Variants in CEACAM5 observed in about 807,000 individuals in gnomAD.
The protein encoded by CEACAM5 is CEA cell adhesion molecule 5, also known as cell adhesion molecule CEACAM5.
In CEACAM5, 52 loss-of-function variants were observed where a neutral mutation model predicts 63.0. The observed-to-expected ratio is 0.83, with a 90% confidence interval of 0.66 to 1.04. The LOEUF is 1.04. Among genes scored for constraint, CEACAM5 ranks in the 50% least tolerant of loss-of-function variants. CEACAM5 has a pLI of 0.00. For synonymous variants in CEACAM5, 357 were observed against 351.3 expected, an observed-to-expected ratio of 1.02 and a Z score of -0.18; for missense variants, 790 against 864.8, an observed-to-expected ratio of 0.91 and a Z score of 1.08.
rs1233774622 is a variant in CEACAM5, at chr19:41,715,751, T to C, written c.805T>C (p.Tyr269His). 2 of 1,614,208 alleles carry C rather than the reference T, an allele frequency of 1.2e-6. No individual in the cohort carries two copies. The highest frequency in any genetic ancestry group is 2.2e-5 in the East Asian group (1 of 44,880). The change falls in exon 4 of 10, where the codon TAC becomes CAC. Residue 269 changes from tyrosine to histidine, a missense_variant. Coordinates refer to ENST00000221992, the MANE Select transcript of CEACAM5 (RefSeq NM_004363.6). Reference sequence around the variant, plus strand: ...CGCAGCCTCTAACCCACCTGCACAGTACTCTTGGTTTGTCAATGGGACTTT... The same window carrying C: ...CGCAGCCTCTAACCCACCTGCACAGCACTCTTGGTTTGTCAATGGGACTTT... ...CHAASNPPAQ[Y>H]SWFVNGTFQQ...
rs1284582625 is a variant in CEACAM5 at position 41,730,210 on chromosome 19, G to A, written c.*1063G>A. On this transcript the variant is annotated 3_prime_UTR_variant, in exon 10 of 10. Transcript: ENST00000221992. ...CCGAGGCGGGCGGATCACGAGGTCAGGAGATCCAGACCATCCTGGCTAACA... is the reference window on the plus strand; with the variant it reads ...CCGAGGCGGGCGGATCACGAGGTCAAGAGATCCAGACCATCCTGGCTAACA... Among the ~76,000 whole-genome samples, 2 of 152,102 alleles carry A rather than the reference G, an allele frequency of 1.3e-5. No individual in the cohort carries two copies. The highest frequency in any genetic ancestry group is 1.9e-4 in the East Asian group (1 of 5,190).
chr19:41,711,396 G>C lies in CEACAM5; in HGVS notation c.424+1357G>C, dbSNP rs140989114. ...AACAGAGGCCCAAAGTGAGACACACGCTTGCTCAGTAGCTCTCTCATGAAG... is the reference window on the plus strand; with the variant it reads ...AACAGAGGCCCAAAGTGAGACACACCCTTGCTCAGTAGCTCTCTCATGAAG... On this transcript the variant is annotated intron_variant, in intron 2 of 9. Coordinates refer to ENST00000221992, the MANE Select transcript of CEACAM5 (RefSeq NM_004363.6). Among the ~76,000 whole-genome samples the C allele has an allele frequency of 7.2e-5, 11 of 152,276 alleles. No individual in the cohort carries two copies. The East Asian group carries it at 2.1e-3, about 29-fold the overall frequency.
At chr19:41,724,996 T>C (rs1451435853) in intron 8 of CEACAM5, among the ~76,000 whole-genome samples, 4 of 152,236 alleles carry the variant, frequency 2.6e-5, no homozygotes, top group African/African-American at 4.8e-5. Context: ...CTGTGTCGAA[T>C]AGACGTGGCA....
At chr19:41,713,254 G>T (rs1244439635) in intron 2 of CEACAM5, among the ~76,000 whole-genome samples, 1 of 152,020 alleles carries the variant, frequency 6.6e-6, no homozygotes, top group Non-Finnish European at 1.5e-5. Flanking sequence ...GCAGTGAGCT[G>T]AGATCGTGCC....
At chr19:41,727,186 A>T in intron 8 of CEACAM5, 48 bp from the exon 9 acceptor site, 5 of 1,414,260 alleles carry the variant, frequency 3.5e-6, no homozygotes, top group Non-Finnish European at 5.0e-6. Context: ...ACTGTAAAAT[A>T]ACATCACATT....
chr19:41,710,080 T>C, intron 2 of CEACAM5, 41 bp downstream of exon 2: 1 of 1,576,244 alleles, frequency 6.3e-7, no homozygotes, highest in Non-Finnish European at 8.6e-7. Flanking sequence ...TGGGGGTCAG[T>C]TCTACTTCCC....
chr19:41,718,297 G>T lies in CEACAM5; in HGVS notation c.1407G>T (p.Glu469Asp). 1 of 1,614,158 alleles carries T rather than the reference G, an allele frequency of 6.2e-7. No homozygotes were observed. Reference protein sequence around the residue: ...TQELFISNITEKNSGLYTCQA... With the variant: ...TQELFISNITDKNSGLYTCQA... ...AGCTCTTTATCTCCAACATCACTGA[G>T]AAGAACAGCGGACTCTATACCTGCC... The change falls in exon 6 of 10, where the codon GAG (glutamate) becomes GAT (aspartate). Residue 469 changes from glutamate (E) to aspartate (D), a missense_variant. Glu to Asp is a conservative substitution (Grantham distance 45, BLOSUM62 2). Transcript: ENST00000221992.
intron 5 of CEACAM5, 129 bp from the exon 6 acceptor site, chr19:41,717,999 C>A: frequency 8.8e-7 from 1 of 1,136,430 alleles, no homozygotes; most frequent in Non-Finnish European, 1.3e-6. Flanking sequence ...TAATTGGATA[C>A]AGTAGGGGTT....
chr19:41,718,923 G>A (rs2072572938), intron 6 of CEACAM5, among the ~76,000 whole-genome samples: 1 of 152,274 alleles, frequency 6.6e-6, no homozygotes, highest in South Asian at 2.1e-4. Context: ...ATCCGGGCAT[G>A]TGGAGAAGGT....
At chr19:41,722,626 A>T (rs1353542509) in intron 8 of CEACAM5, among the ~76,000 whole-genome samples, 1 of 152,222 alleles carries the variant, frequency 6.6e-6, no homozygotes, top group Non-Finnish European at 1.5e-5. Context: ...TTCACTTAGC[A>T]TAATGTCTTC....
intron 2 of CEACAM5, among the ~76,000 whole-genome samples, chr19:41,714,329 G>GT (rs1555814513): frequency 3.3e-5 from 5 of 152,154 alleles, no homozygotes; most frequent in Admixed American, 3.3e-4. Flanking sequence ...TATCTTTAGG[G>GT]GTCTCTGGCT....
chr19:41,719,703 C>T (rs1376683083), intron 6 of CEACAM5, among the ~76,000 whole-genome samples: 6 of 152,146 alleles, frequency 3.9e-5, no homozygotes, highest in African/African-American at 1.4e-4. Context: ...ACGCTGCTGC[C>T]CAATTCACAC....
chr19:41,721,132 C>T lies in CEACAM5; in HGVS notation c.1982C>T (p.Ala661Val). 6.2e-7 allele frequency: 1 copy of T among 1,614,222 alleles called. No individual in the cohort carries two copies. The highest frequency in any genetic ancestry group is 8.5e-7 in the Non-Finnish European group (1 of 1,180,042). The change falls in exon 8 of 10, where the codon GCT (alanine) becomes GTT (valine). Residue 661 changes from alanine to valine, a missense_variant. Physicochemically the swap from Ala to Val is moderately conservative, Grantham distance 64. Coordinates refer to ENST00000221992, the MANE Select transcript of CEACAM5 (RefSeq NM_004363.6). ...TATGCCTGTTTTGTCTCTAACTTGGCTACTGGCCGCAATAATTCCATAGTC... is the reference window on the plus strand; with the variant it reads ...TATGCCTGTTTTGTCTCTAACTTGGTTACTGGCCGCAATAATTCCATAGTC... The part of the protein sequence containing the change: ...GTYACFVSNL[A>V]TGRNNSIVKS...
At chr19:41,720,517 T>A (rs1265818130) in intron 7 of CEACAM5, among the ~76,000 whole-genome samples, 2 of 149,230 alleles carry the variant, frequency 1.3e-5, no homozygotes, top group Non-Finnish European at 3.0e-5. Flanking sequence ...TTTTTTTTTT[T>A]TTTTTTTGAG....
chr19:41,715,286 G>A, intron 3 of CEACAM5, 37 bp downstream of exon 3: 1 of 1,614,078 alleles, frequency 6.2e-7, no homozygotes, highest in East Asian at 2.2e-5. Context: ...CAGGCTGCCA[G>A]CCCAAATCCA....
intron 8 of CEACAM5, among the ~76,000 whole-genome samples, chr19:41,722,117 G>T (rs1206089422): frequency 6.6e-6 from 1 of 152,066 alleles, no homozygotes; most frequent in Non-Finnish European, 1.5e-5. Flanking sequence ...CAAGTATATT[G>T]CCCGGTGTGG....
chr19:41,708,694 C>T lies in CEACAM5; in HGVS notation c.-38C>T, dbSNP rs45537140. 427 of 1,591,294 alleles carry T rather than the reference C, an allele frequency of 2.7e-4. 4 individuals are homozygous for T. In the African/African-American group the frequency reaches 5.1e-3, roughly 19 times the overall value. ...ACAAAACGTTCCTGGAACTCAAGCT[C>T]TTCTCCACAGAGGAGGACAGAGCAG... is the stretch of plus-strand genomic sequence containing the variant. On this transcript the variant is annotated 5_prime_UTR_variant, in exon 1 of 10. Coordinates refer to ENST00000221992, the MANE Select transcript of CEACAM5 (RefSeq NM_004363.6).
At position 41,718,249 on chromosome 19, in the gene CEACAM5, G is replaced by A. The variant is rs782690230; in HGVS notation, c.1359G>A (p.Gly453=). 14 of 1,614,002 alleles carry A rather than the reference G, an allele frequency of 8.7e-6. No individual in the cohort carries two copies. The South Asian group carries it at 1.3e-4, about 15-fold the overall frequency. Residue 453 remains glycine (G), a synonymous_variant, in exon 6 of 10, where the codon GGG becomes GGA. Coordinates refer to ENST00000221992, the MANE Select transcript of CEACAM5 (RefSeq NM_004363.6). ...PPAQYSWLID[G]NIQQHTQELF... ...CACAGTATTCTTGGCTGATTGATGGGAACATCCAGCAACACACACAAGAGC... is the reference window on the plus strand; with the variant it reads ...CACAGTATTCTTGGCTGATTGATGGAAACATCCAGCAACACACACAAGAGC...
chr19:41,725,000 C>T (rs1388954293), intron 8 of CEACAM5, among the ~76,000 whole-genome samples: 6 of 152,104 alleles, frequency 3.9e-5, no homozygotes, highest in South Asian at 2.1e-4. Flanking sequence ...GTCGAATAGA[C>T]GTGGCAAAAG....
Sources: gnomAD v4.1 joint callset for allele counts (sites outside exome capture counted in the v4.1 genomes callset) on GRCh38, gnomAD v4.1.1 for gene constraint, MANE v1.5 for transcripts, NCBI Gene and HGNC (gene_info 2026-07-23, HGNC 2026-07-21) for gene names.